The following PPP6R1 variants were observed in gnomAD, a reference collection of about 807,000 sequenced individuals.
The protein encoded by PPP6R1 is protein phosphatase 6 regulatory subunit 1.
A neutral mutation model predicts 104.6 loss-of-function variants in PPP6R1; 39 were observed. That is an observed-to-expected ratio of 0.37 (90% CI 0.29 to 0.49). PPP6R1 has a LOEUF of 0.49. Ranked by LOEUF, PPP6R1 falls within the 20% of genes least tolerant of loss-of-function variation. PPP6R1 has a pLI of 0.98. For synonymous variants in PPP6R1, 549 were observed against 479.0 expected (o/e 1.15, Z -1.91); for missense variants, 1,181 against 1,155.8 (o/e 1.02, Z -0.32).
chr19:55,228,685 T>A (rs1568940816), downstream of PPP6R1: 2 of 1,612,032 alleles, frequency 1.2e-6, no homozygotes, highest in Admixed American at 3.3e-5. Flanking sequence ...CTCAGAAGGC[T>A]CTCACCTGGG....
rs2087437555 is a variant in PPP6R1 at position 55,240,070 on chromosome 19, CTT to C, written c.1404_1405del (p.Arg469SerfsTer63). On this transcript the variant is annotated frameshift_variant, in exon 12 of 24. Transcript: ENST00000412770. LOFTEE classifies it high-confidence loss of function. ...GTTCTGCACCAGGGCACCGGCCACT[CTT>C]GTCAGGTGACCCATGTAGCCTTTCC... 1.9e-6 allele frequency: 3 copies of C among 1,602,104 alleles called. No individual in the cohort carries two copies. Among genetic ancestry groups the C allele is most frequent in the Non-Finnish European group, 2.6e-6 (3 of 1,175,630 alleles).
At chr19:55,258,392 C>A (rs1343728640) in intron 1 of PPP6R1, 43 bp downstream of exon 1, 4 of 151,982 alleles carry the variant, frequency 2.6e-5, no homozygotes, top group South Asian at 4.1e-4. Context: ...GACGTGGGCG[C>A]CTGGCCCTGG....
chr19:55,232,802 G>A (rs1268205110), intron 17 of PPP6R1: 3 of 152,514 alleles, frequency 2.0e-5, no homozygotes, highest in Admixed American at 2.0e-4. Context: ...CAACCTACGT[G>A]CTGATCAACC....
Position 55,240,274 on chromosome 19 carries a change from C to G in PPP6R1, c.1323G>C (p.Glu441Asp), listed in dbSNP as rs2087440415. The G allele has an allele frequency of 1.3e-6, 2 of 1,594,072 alleles. No individual in the cohort carries two copies. The highest frequency in any genetic ancestry group is 1.7e-6 in the Non-Finnish European group (2 of 1,171,152). ...KHLLQQCRLV[E>D]RILTSWEEND... Reference sequence around the variant, plus strand: ...TCTCCTCCCAGGACGTCAGGATCCGCTCCACCAGGCGGCACTGCTGCAGCA... The same window carrying G: ...TCTCCTCCCAGGACGTCAGGATCCGGTCCACCAGGCGGCACTGCTGCAGCA... The change falls in exon 11 of 24, where the codon GAG becomes GAC. Residue 441 changes from glutamate (E) to aspartate (D), a missense_variant. Glu to Asp is a conservative substitution (Grantham distance 45). Coordinates refer to ENST00000412770, the MANE Select transcript of PPP6R1 (RefSeq NM_014931.4).
intron 5 of PPP6R1, among the ~76,000 whole-genome samples, chr19:55,243,367 C>G (rs181940757): frequency 3.5e-5 from 5 of 141,432 alleles, no homozygotes. Context: ...GAGCCGAGAT[C>G]GTGCCACTGC....
rs763545646 is a variant in PPP6R1 at position 55,242,284 on chromosome 19, GGGGGCA to G, written c.732-11_732-6del. 1.9e-6 allele frequency: 3 copies of G among 1,613,552 alleles called. No homozygotes were observed. Among genetic ancestry groups the G allele is most frequent in the Non-Finnish European group, 2.5e-6 (3 of 1,179,712 alleles). ...AGCTGCTCAATCGTCTCCTGCCTGCGGGGGCAGGGGCAGGGGTCAGGGTGAGGGGCC... is the reference window on the plus strand; with the variant it reads ...AGCTGCTCAATCGTCTCCTGCCTGCGGGGGCAGGGGTCAGGGTGAGGGGCC... On this transcript the variant is annotated splice_region_variant and splice_polypyrimidine_tract_variant and intron_variant, in intron 6 of 23. Transcript: ENST00000412770.
At position 55,258,550 on chromosome 19, in the gene PPP6R1, G is replaced by C. The variant is rs954372187; in HGVS notation, c.-122C>G. 2 of 150,058 alleles carry C rather than the reference G, an allele frequency of 1.3e-5. No homozygotes were observed. Among genetic ancestry groups the C allele is most frequent in the Non-Finnish European group, 3.0e-5 (2 of 67,236 alleles). The allele number at this position is 150,058 out of a possible 1,614,324, so 9.3% of individuals were successfully genotyped here. A position where few individuals can be genotyped will look rare whatever the true frequency, so the allele number is the denominator to read the frequency against. On this transcript the variant is annotated 5_prime_UTR_variant, in exon 1 of 24. Transcript: ENST00000412770. ...GGCCCGGTGAGTGGGGGCGGGGGCG[G>C]CGTCGGGGACTCGCGCAGGCGCCGG...
At chr19:55,250,215 A>G (rs2087542644) in intron 1 of PPP6R1, among the ~76,000 whole-genome samples, 1 of 152,168 alleles carries the variant, frequency 6.6e-6, no homozygotes, top group African/African-American at 2.4e-5. Context: ...CTTCACAGCC[A>G]TCACCTCCAC....
At chr19:55,235,210 G>C (rs1260509879) in intron 17 of PPP6R1, among the ~76,000 whole-genome samples, 2 of 145,150 alleles carry the variant, frequency 1.4e-5, no homozygotes, top group Non-Finnish European at 3.0e-5. Flanking sequence ...AGTATTAAGA[G>C]AAAAAAAAAA....
At chr19:55,243,931 C>T (rs368748992) in intron 5 of PPP6R1, among the ~76,000 whole-genome samples, 9 of 152,186 alleles carry the variant, frequency 5.9e-5, no homozygotes, top group African/African-American at 2.2e-4. Context: ...GGATTACAGG[C>T]AGGACTTGTT....
intron 10 of PPP6R1, 32 bp from the exon 11 acceptor site, chr19:55,240,332 G>A (rs769659611): frequency 6.4e-7 from 1 of 1,567,190 alleles, no homozygotes; most frequent in Non-Finnish European, 8.6e-7. Context: ...TGGCCTGGAG[G>A]GGTGGTCTGC....
chr19:55,257,664 C>T (rs1341578103), intron 1 of PPP6R1, among the ~76,000 whole-genome samples: 2 of 152,222 alleles, frequency 1.3e-5, no homozygotes, highest in Non-Finnish European at 2.9e-5. Context: ...GTCAGTCTCA[C>T]CAGTGCCTCC....
downstream of PPP6R1, chr19:55,228,771 T>C: frequency 1.2e-6 from 2 of 1,610,808 alleles, no homozygotes; most frequent in South Asian, 1.1e-5. Flanking sequence ...AGCGACCTAA[T>C]CTGGGAGCGA....
chr19:55,253,189 G>A (rs1038967399), intron 1 of PPP6R1, among the ~76,000 whole-genome samples: 6 of 152,208 alleles, frequency 3.9e-5, no homozygotes, highest in South Asian at 2.1e-4. Flanking sequence ...CACTTGTCTC[G>A]GCTCCACATC....
At position 55,257,690 on chromosome 19, in the gene PPP6R1, T is replaced by C. The variant is rs185848524; in HGVS notation, c.-7+745A>G. The stretch of plus-strand genomic sequence containing the variant: ...CAGTGCCTCCCGCTCTGTGGCCCCC[T>C]GCAGCTCCCTAAGTCACCTCGATCA... On this transcript the variant is annotated intron_variant, in intron 1 of 23. Coordinates refer to ENST00000412770, the MANE Select transcript of PPP6R1 (RefSeq NM_014931.4). 3.4e-3 allele frequency among the ~76,000 whole-genome samples: 511 copies of C among 152,262 alleles called. 5 individuals carry two copies. Among genetic ancestry groups the C allele is most frequent in the African/African-American group, 0.011 (463 of 41,538 alleles).
chr19:55,240,672 C>T (rs900555182), intron 10 of PPP6R1, among the ~76,000 whole-genome samples: 2 of 152,258 alleles, frequency 1.3e-5, no homozygotes, highest in South Asian at 4.1e-4. Context: ...CACACACGCA[C>T]GTGTGCGCAC....
intron 1 of PPP6R1, 36 bp from the exon 2 acceptor site, chr19:55,247,145 G>T (rs762969214): frequency 1.3e-6 from 2 of 1,589,814 alleles, no homozygotes; most frequent in East Asian, 2.2e-5. Flanking sequence ...CGCGTCAGAC[G>T]CCCCAGGGAG....
At chr19:55,240,631 GCT>G (rs889200013) in intron 10 of PPP6R1, among the ~76,000 whole-genome samples, 2 of 137,740 alleles carry the variant, frequency 1.5e-5, no homozygotes, top group Non-Finnish European at 3.3e-5. Flanking sequence ...ACACATACAT[GCT>G]CTCACACACG....
intron 5 of PPP6R1, among the ~76,000 whole-genome samples, chr19:55,243,171 T>C (rs1388940129): frequency 1.4e-4 from 22 of 151,844 alleles, no homozygotes; most frequent in Admixed American, 9.2e-4. Context: ...TCCCAGCACT[T>C]TGGGAGGCCG....
Sources: gnomAD v4.1 joint callset for allele counts (sites outside exome capture counted in the v4.1 genomes callset) on GRCh38, gnomAD v4.1.1 for gene constraint, MANE v1.5 for transcripts, NCBI Gene and HGNC (gene_info 2026-07-23, HGNC 2026-07-21) for gene names.